BRF1: variants seen among roughly 807,000 people sequenced by gnomAD.
BRF1 encodes the protein transcription factor IIIB 90 kDa subunit.
In BRF1, 59 loss-of-function variants were observed where a neutral mutation model predicts 81.7. That is an observed-to-expected ratio of 0.72 (90% CI 0.59 to 0.90). BRF1 has a LOEUF of 0.90. Among genes scored for constraint, BRF1 ranks in the 40% least tolerant of loss-of-function variants. BRF1 has a pLI of 0.00. For missense variants in BRF1, 1,050 were observed against 936.3 expected (o/e 1.12, Z -1.58); for synonymous variants, 491 against 395.6 (o/e 1.24, Z -2.86).
Position 105,210,445 on chromosome 14 carries a change from G to A in BRF1, c.*106C>T. The A allele has an allele frequency of 7.8e-7, 1 of 1,275,000 alleles. No homozygotes were observed. The highest frequency in any genetic ancestry group is 1.1e-6 in the Non-Finnish European group (1 of 909,266). 79.0% of individuals were successfully genotyped at this position (1,275,000 alleles called of 1,614,324 possible). A position where few individuals can be genotyped will look rare whatever the true frequency, so the allele number is the denominator to read the frequency against. On this transcript the variant is annotated 3_prime_UTR_variant, in exon 18 of 18. Coordinates refer to ENST00000547530, the MANE Select transcript of BRF1 (RefSeq NM_001519.4). This position sits in a 1 kb window ranked among gnomAD's most constrained non-coding sequence, Gnocchi z 4.7. ...TGGGACAGGTGCCACCTGTCACCAG[G>A]AGTCTCGGCGCTGGGGCCTGCCTGC...
chr14:105,222,861 C>T (rs1892512672), intron 10 of BRF1, among the ~76,000 whole-genome samples: 1 of 152,112 alleles, frequency 6.6e-6, no homozygotes, highest in African/African-American at 2.4e-5. Flanking sequence ...ATCTCCTGAC[C>T]TTGTGATCTG....
At chr14:105,260,916 C>A (rs1030959838) in intron 3 of BRF1, among the ~76,000 whole-genome samples, 3 of 152,244 alleles carry the variant, frequency 2.0e-5, no homozygotes, top group African/African-American at 7.2e-5. Context: ...GGAGGGCCTA[C>A]TAATGCCTTT....
chr14:105,229,451 G>A (rs1025578574), intron 6 of BRF1, among the ~76,000 whole-genome samples: 4 of 152,228 alleles, frequency 2.6e-5, no homozygotes, highest in African/African-American at 9.6e-5. Context: ...TGGACTCTGT[G>A]GGCACGAGGG....
rs1307354163 is a variant in BRF1 at position 105,210,684 on chromosome 14, C to T, written c.1997-96G>A. 8 of 1,408,080 alleles carry T rather than the reference C, an allele frequency of 5.7e-6. No individual in the cohort carries two copies. Among genetic ancestry groups the T allele is most frequent in the Admixed American group, 2.0e-5 (1 of 50,912 alleles). 87.2% of individuals were successfully genotyped at this position (1,408,080 alleles called of 1,614,324 possible). A position where few individuals can be genotyped will look rare whatever the true frequency, so the allele number is the denominator to read the frequency against. On this transcript the variant is annotated intron_variant, in intron 17 of 17. Transcript: ENST00000547530. This position sits in a 1 kb window ranked among gnomAD's most constrained non-coding sequence, Gnocchi z 4.7. ...CTGTTCCTGGTGCCCCCCTAGAAGA[C>T]TCAGGCTCCAGCCCCAGCCCCAGCC...
chr14:105,245,771 C>T (rs1274496812), intron 5 of BRF1, among the ~76,000 whole-genome samples: 1 of 151,090 alleles, frequency 6.6e-6, no homozygotes, highest in Admixed American at 6.6e-5. Context: ...CAAAAACTAA[C>T]TCAAAACCGA....
At chr14:105,281,399 C>T (rs587608802) in intron 2 of BRF1, among the ~76,000 whole-genome samples, 4 of 133,514 alleles carry the variant, frequency 3.0e-5, no homozygotes, top group Non-Finnish European at 4.7e-5. Context: ...ATACAGGCTG[C>T]GTGATCCTGA....
At chr14:105,270,334 C>G (rs962306686) in intron 3 of BRF1, among the ~76,000 whole-genome samples, 2 of 151,932 alleles carry the variant, frequency 1.3e-5, no homozygotes. Flanking sequence ...CCACCACGCC[C>G]GGCTAATTTT....
At chr14:105,270,302 TAGCTGGGACTACAGG>T (rs2056602853) in intron 3 of BRF1, among the ~76,000 whole-genome samples, 2 of 151,318 alleles carry the variant, frequency 1.3e-5, no homozygotes, top group South Asian at 4.2e-4. Context: ...GCCTCCCGAG[TAGCTGGGACTACAGG>T]AGCCTGCCAC....
chr14:105,214,285 A>T (rs1203260358), intron 15 of BRF1, among the ~76,000 whole-genome samples: 1 of 152,214 alleles, frequency 6.6e-6, no homozygotes, highest in Non-Finnish European at 1.5e-5. Flanking sequence ...CCAGAGTGGG[A>T]CGCTCAGGCA....
intron 16 of BRF1, 92 bp from the exon 17 acceptor site, chr14:105,211,385 C>T: frequency 3.3e-6 from 4 of 1,222,984 alleles, no homozygotes; most frequent in Non-Finnish European, 4.4e-6. Flanking sequence ...GCCCAGGATG[C>T]TCAGCCACTC....
At chr14:105,296,293 G>C (rs1404826863) in intron 1 of BRF1, among the ~76,000 whole-genome samples, 1 of 152,032 alleles carries the variant, frequency 6.6e-6, no homozygotes, top group Non-Finnish European at 1.5e-5. Context: ...GGGAGGCCGA[G>C]GTGGGCGGAT....
At position 105,272,228 on chromosome 14, in the gene BRF1, A is replaced by G. The variant is rs796782797; in HGVS notation, c.439+493T>C. 9.7e-3 allele frequency among the ~76,000 whole-genome samples: 977 copies of G among 100,488 alleles called. 39 individuals carry two copies. The highest frequency in any genetic ancestry group is 0.037 in the African/African-American group (840 of 23,006). The allele number at this position is 100,488 out of a possible 152,430, so 65.9% of individuals were successfully genotyped here. Reference sequence around the variant, plus strand: ...CCCACCCACGGCCTGCAGTCACGGTATCCACGCACAAGGCCGAGCTGCACA... The same window carrying G: ...CCCACCCACGGCCTGCAGTCACGGTGTCCACGCACAAGGCCGAGCTGCACA... On this transcript the variant is annotated intron_variant, in intron 3 of 17. Transcript: ENST00000547530.
chr14:105,292,271 C>A (rs1020838989), intron 1 of BRF1, among the ~76,000 whole-genome samples: 18 of 152,290 alleles, frequency 1.2e-4, no homozygotes, highest in African/African-American at 4.1e-4. Flanking sequence ...GCAACCTCCA[C>A]CTCCCGGGTT....
At chr14:105,211,037 C>G in intron 17 of BRF1, 85 bp downstream of exon 17, 1 of 1,533,088 alleles carries the variant, frequency 6.5e-7, no homozygotes, top group Non-Finnish European at 8.7e-7. Flanking sequence ...TTGAAGCTAA[C>G]AGGCCCAAGT....
At chr14:105,294,626 G>A (rs900889549) in intron 1 of BRF1, among the ~76,000 whole-genome samples, 1 of 152,178 alleles carries the variant, frequency 6.6e-6, no homozygotes, top group Non-Finnish European at 1.5e-5. Context: ...GATGGGGAGG[G>A]AAGAGCAGGA....
At chr14:105,248,004 G>T in intron 5 of BRF1, 15 of 985,490 alleles carry the variant, frequency 1.5e-5, no homozygotes, top group Non-Finnish European at 1.8e-5. Context: ...CCAAGCTCCA[G>T]GGCTGCAGGC....
At position 105,298,402 on chromosome 14, in the gene BRF1, A is replaced by G. The variant is rs587730912; in HGVS notation, c.184+2044T>C. ...CGGCACCTGATCAACAGGGCAGGAC[A>G]CAAGGCCCAGAGACAGACCTGCACG... On this transcript the variant is annotated intron_variant, in intron 1 of 17. Transcript: ENST00000547530. Among the ~76,000 whole-genome samples, 4 of 152,360 alleles carry G rather than the reference A, an allele frequency of 2.6e-5. No homozygotes were observed. The East Asian group carries it at 7.7e-4, about 29-fold the overall frequency.
chr14:105,251,963 G>C (rs78778888), intron 5 of BRF1, among the ~76,000 whole-genome samples: 2 of 152,002 alleles, frequency 1.3e-5, no homozygotes, highest in African/African-American at 4.8e-5. Flanking sequence ...ACACAACACA[G>C]AACAAAAGTG....
chr14:105,275,814 G>C (rs2056858304), intron 2 of BRF1, among the ~76,000 whole-genome samples: 1 of 152,268 alleles, frequency 6.6e-6, no homozygotes, highest in Non-Finnish European at 1.5e-5. Flanking sequence ...CGGGAGACTA[G>C]GTCAGGAGGC....
Sources: allele counts gnomAD v4.1 joint callset (sites outside exome capture counted in the v4.1 genomes callset), GRCh38; gene constraint gnomAD v4.1.1; non-coding constraint Gnocchi (gnomAD v3.1); transcripts MANE v1.5; gene names NCBI Gene and HGNC (gene_info 2026-07-23, HGNC 2026-07-21).